CAMK1D: variants seen among roughly 807,000 people sequenced by gnomAD.
CAMK1D encodes calcium/calmodulin-dependent protein kinase type 1D.
CAMK1D carries 9 observed loss-of-function variants against 47.7 expected under a neutral mutation model. The ratio of observed to expected loss-of-function variants is 0.19; its 90% CI spans 0.11 to 0.33. The LOEUF is 0.33. CAMK1D is among the 10% of genes least tolerant of loss of function. The pLI is 1.00. For synonymous variants in CAMK1D, 184 were observed against 184.9 expected (o/e 0.99, Z 0.04); for missense variants, 291 against 488.7 (o/e 0.60, Z 3.81).
At chr10:12,572,600 G>T (rs1279933909) in intron 2 of CAMK1D, among the ~76,000 whole-genome samples, 1 of 152,034 alleles carries the variant, frequency 6.6e-6, no homozygotes, top group African/African-American at 2.4e-5. Flanking sequence ...TGGAGGGGAG[G>T]GGCCCTAGGC....
chr10:12,801,728 ATATC>A lies in CAMK1D; in HGVS notation c.641+10500_641+10503del, dbSNP rs760624170. Among the ~76,000 whole-genome samples, 10 of 152,278 alleles carry A rather than the reference ATATC, an allele frequency of 6.6e-5. No homozygotes were observed. In the South Asian group the frequency reaches 1.5e-3, roughly 22 times the overall value. On this transcript the variant is annotated intron_variant, in intron 6 of 10. Coordinates refer to ENST00000619168, the MANE Select transcript of CAMK1D (RefSeq NM_153498.4). ...ATCTCTATCAACCTATCATCTATCT[ATATC>A]TATCCATCACCTGTCTGTATATCTA...
intron 2 of CAMK1D, among the ~76,000 whole-genome samples, chr10:12,595,574 C>T (rs963205774): frequency 1.3e-5 from 2 of 151,886 alleles, no homozygotes; most frequent in African/African-American, 4.8e-5. Context: ...TGTATCTTTG[C>T]ATTTGCGTTT....
chr10:12,682,127 G>A (rs1022670656), intron 3 of CAMK1D, among the ~76,000 whole-genome samples: 8 of 152,224 alleles, frequency 5.3e-5, no homozygotes, highest in Non-Finnish European at 1.0e-4. Flanking sequence ...GGCTGAGGCA[G>A]GAGAATGGCG....
At chr10:12,611,471 G>A (rs1279604588) in intron 2 of CAMK1D, among the ~76,000 whole-genome samples, 3 of 151,944 alleles carry the variant, frequency 2.0e-5, no homozygotes, top group Admixed American at 6.6e-5. Flanking sequence ...AGGAAGCTCC[G>A]CCTGGGCCTG....
intron 10 of CAMK1D, 192 bp downstream of exon 10, chr10:12,825,882 A>G: frequency 3.5e-6 from 3 of 851,308 alleles, no homozygotes; most frequent in South Asian, 3.7e-5. Flanking sequence ...CACGCCTGTA[A>G]TCCCAACACT....
intron 5 of CAMK1D, among the ~76,000 whole-genome samples, chr10:12,781,157 AAG>A (rs1176699092): frequency 3.9e-5 from 6 of 152,316 alleles, no homozygotes; most frequent in East Asian, 1.9e-4. Flanking sequence ...CGTGGTGGGA[AAG>A]AGGGGGAGGG....
rs1302687805 is a variant in CAMK1D at position 12,446,433 on chromosome 10, C to T, written c.92+96523C>T. 2.0e-5 allele frequency among the ~76,000 whole-genome samples: 3 copies of T among 152,290 alleles called. No homozygotes were observed. The East Asian group carries it at 5.8e-4, about 29-fold the overall frequency. On this transcript the variant is annotated intron_variant, in intron 1 of 10. Coordinates refer to ENST00000619168, the MANE Select transcript of CAMK1D (RefSeq NM_153498.4). ...AGCGAGGACAACAAGAGGTCACTCTCGTCGCCATCTTGGTTTTGGTGGGAT... is the reference window on the plus strand; with the variant it reads ...AGCGAGGACAACAAGAGGTCACTCTTGTCGCCATCTTGGTTTTGGTGGGAT...
chr10:12,601,696 T>G (rs1311611815), intron 2 of CAMK1D, among the ~76,000 whole-genome samples: 1 of 152,132 alleles, frequency 6.6e-6, no homozygotes, highest in East Asian at 1.9e-4. Context: ...ACTCCTGACT[T>G]CGTGATCCGC....
chr10:12,742,378 G>A (rs764904376), intron 3 of CAMK1D, among the ~76,000 whole-genome samples: 7 of 151,972 alleles, frequency 4.6e-5, no homozygotes, highest in Non-Finnish European at 8.8e-5. Context: ...CAGGCAATCC[G>A]CCTGCCTTGG....
chr10:12,766,009 A>T (rs1347634775), intron 4 of CAMK1D, among the ~76,000 whole-genome samples: 1 of 129,122 alleles, frequency 7.7e-6, no homozygotes, highest in Non-Finnish European at 1.5e-5. Context: ...CTTGTTGCCC[A>T]GACTGGAGTG....
At chr10:12,754,986 C>T (rs545097602) in intron 3 of CAMK1D, among the ~76,000 whole-genome samples, 8 of 152,170 alleles carry the variant, frequency 5.3e-5, no homozygotes, top group East Asian at 3.9e-4. Flanking sequence ...GAAGGCAAAA[C>T]GCCCAGAATC....
chr10:12,801,297 G>C lies in CAMK1D; in HGVS notation c.641+10064G>C, dbSNP rs3000760. Among the ~76,000 whole-genome samples, 216 of 89,990 alleles carry C rather than the reference G, an allele frequency of 2.4e-3. 1 individual carries two copies. Among genetic ancestry groups the C allele is most frequent in the African/African-American group, 7.2e-3 (198 of 27,336 alleles). The allele number at this position is 89,990 out of a possible 152,430, so 59.0% of individuals were successfully genotyped here. The stretch of plus-strand genomic sequence containing the variant: ...TCCATCCATATTTCTGTCTGTGTGT[G>C]TATCTATCTATCTATCTATCTATCT... On this transcript the variant is annotated intron_variant, in intron 6 of 10. Transcript: ENST00000619168.
At chr10:12,414,486 C>T (rs969460634) in intron 1 of CAMK1D, among the ~76,000 whole-genome samples, 1 of 152,182 alleles carries the variant, frequency 6.6e-6, no homozygotes, top group Non-Finnish European at 1.5e-5. Context: ...GCCATGTTAT[C>T]TGTCGTGTCT....
rs35554522 is a variant in CAMK1D, at chr10:12,474,199, C to CTTT, written c.93-79009_93-79007dup. ...TGCTACCTCTTCAATGAGGATCGTT[C>CTTT]TTTTTTTTTTTTTTTTTTTGAGAGA... On this transcript the variant is annotated intron_variant, in intron 1 of 10. Transcript: ENST00000619168. Among the ~76,000 whole-genome samples the CTTT allele has an allele frequency of 7.5e-4, 89 of 119,322 alleles. 1 individual carries two copies. The highest frequency in any genetic ancestry group is 2.3e-3 in the Admixed American group (25 of 11,008). 78.3% of individuals were successfully genotyped at this position (119,322 alleles called of 152,430 possible). A position where few individuals can be genotyped will look rare whatever the true frequency, so the allele number is the denominator to read the frequency against.
chr10:12,783,497 C>T (rs906987806), intron 5 of CAMK1D, among the ~76,000 whole-genome samples: 2 of 152,168 alleles, frequency 1.3e-5, no homozygotes, highest in African/African-American at 4.8e-5. Flanking sequence ...TTCGCCGTTT[C>T]CTCCACCCTC....
intron 1 of CAMK1D, among the ~76,000 whole-genome samples, chr10:12,368,403 T>TA (rs918679371): frequency 2.0e-4 from 29 of 143,032 alleles, no homozygotes; most frequent in South Asian, 6.7e-4. Flanking sequence ...AAGACCCTAT[T>TA]AAAAAAAAAA....
At chr10:12,737,439 C>T (rs1423502899) in intron 3 of CAMK1D, among the ~76,000 whole-genome samples, 1 of 152,186 alleles carries the variant, frequency 6.6e-6, no homozygotes, top group Non-Finnish European at 1.5e-5. Context: ...CCTGACCACC[C>T]CGGGCTGCAC....
At chr10:12,361,992 G>A (rs1837679085) in intron 1 of CAMK1D, among the ~76,000 whole-genome samples, 1 of 152,138 alleles carries the variant, frequency 6.6e-6, no homozygotes, top group Non-Finnish European at 1.5e-5. Context: ...TGTGTACAGG[G>A]AAGCTGCTTC....
At chr10:12,712,843 C>G (rs1474598024) in intron 3 of CAMK1D, among the ~76,000 whole-genome samples, 7 of 152,122 alleles carry the variant, frequency 4.6e-5, no homozygotes, top group Admixed American at 4.6e-4. Context: ...ACACACACCC[C>G]TGTACTGATG....
Sources: gnomAD v4.1 joint callset for allele counts (sites outside exome capture counted in the v4.1 genomes callset) on GRCh38, gnomAD v4.1.1 for gene constraint, MANE v1.5 for transcripts, NCBI Gene and HGNC (gene_info 2026-07-23, HGNC 2026-07-21) for gene names.